Variants in ENOX1 observed in about 807,000 individuals in gnomAD.
The protein encoded by ENOX1 is ecto-NOX disulfide-thiol exchanger 1, also known as candidate growth-related and time keeping constitutive hydroquinone (NADH) oxidase.
In ENOX1, 42 loss-of-function variants were observed where a neutral mutation model predicts 82.5. The observed-to-expected ratio is 0.51, with a 90% CI of 0.40 to 0.66. The LOEUF is 0.66. ENOX1 is among the 30% of genes least tolerant of loss of function. ENOX1 has a pLI of 0.00. For synonymous variants in ENOX1, 271 were observed against 282.2 expected, an observed-to-expected ratio of 0.96 and a Z score of 0.40; for missense variants, 608 against 811.6, an observed-to-expected ratio of 0.75 and a Z score of 3.05.
chr13:43,222,324 C>A (rs1212423462), intron 16 of ENOX1, among the ~76,000 whole-genome samples: 2 of 151,620 alleles, frequency 1.3e-5, no homozygotes, highest in African/African-American at 4.9e-5. Context: ...TCCCCGCCAG[C>A]CAAAACAAAT....
At chr13:43,291,017 A>G (rs1318049849) in intron 12 of ENOX1, among the ~76,000 whole-genome samples, 3 of 152,058 alleles carry the variant, frequency 2.0e-5, no homozygotes, top group Non-Finnish European at 4.4e-5. Flanking sequence ...ACAGAGTGAG[A>G]CTCCATCTCA....
chr13:43,330,998 T>C (rs936746609), intron 9 of ENOX1, among the ~76,000 whole-genome samples: 2 of 152,232 alleles, frequency 1.3e-5, no homozygotes, highest in Admixed American at 6.5e-5. Flanking sequence ...TAGAGAACTT[T>C]ACAGACTATC....
intron 12 of ENOX1, among the ~76,000 whole-genome samples, chr13:43,282,971 C>G (rs1393963704): frequency 1.3e-5 from 2 of 151,890 alleles, no homozygotes; most frequent in African/African-American, 4.8e-5. Context: ...GTAGTCCCAG[C>G]TGCTCGGGAG....
intron 2 of ENOX1, among the ~76,000 whole-genome samples, chr13:43,556,943 G>A (rs1422855920): frequency 6.6e-6 from 1 of 152,220 alleles, no homozygotes; most frequent in Non-Finnish European, 1.5e-5. Context: ...TAAAAGACCT[G>A]AGCTACATAG....
intron 15 of ENOX1, among the ~76,000 whole-genome samples, chr13:43,232,564 G>T (rs534353369): frequency 6.6e-6 from 1 of 152,184 alleles, no homozygotes; most frequent in East Asian, 1.9e-4. Context: ...CCCACATTAG[G>T]AGGAGCCTTC....
intron 11 of ENOX1, among the ~76,000 whole-genome samples, chr13:43,306,221 G>A (rs1391740081): frequency 6.6e-6 from 1 of 152,212 alleles, no homozygotes; most frequent in Non-Finnish European, 1.5e-5. Flanking sequence ...TTTACCAAAA[G>A]ATTCGGCGAT....
intron 2 of ENOX1, among the ~76,000 whole-genome samples, chr13:43,534,772 G>A (rs772611937): frequency 6.6e-6 from 1 of 152,258 alleles, no homozygotes; most frequent in African/African-American, 2.4e-5. Flanking sequence ...ATGGGGCTGG[G>A]GGGTGTTGCC....
In ENOX1 at chr13:43,298,256, A is replaced by T. The variant is rs1409099501; in HGVS notation, c.1446+90T>A. 1.1e-5 allele frequency: 15 copies of T among 1,331,594 alleles called. No individual in the cohort carries two copies. The African/African-American group carries it at 1.9e-4, about 16-fold the overall frequency. The allele number at this position is 1,331,594 out of a possible 1,614,324, so 82.5% of individuals were successfully genotyped here. The stretch of plus-strand genomic sequence containing the variant: ...TTTTGGTTGTCATTTCTTCTCCTTC[A>T]CCCTTTCCAGCACACGGCTGCCTTT... On this transcript the variant is annotated intron_variant, in intron 12 of 16. Transcript: ENST00000690772.
intron 1 of ENOX1, among the ~76,000 whole-genome samples, chr13:43,681,388 A>G (rs299357): frequency 0.98 from 149,242 of 152,134 alleles, 73,244 homozygotes; most frequent in East Asian, 1. Flanking sequence ...CTAAGTCCAC[A>G]CCATTTCCCT....
chr13:43,531,918 C>A (rs1258451187), intron 2 of ENOX1, among the ~76,000 whole-genome samples: 1 of 132,834 alleles, frequency 7.5e-6, no homozygotes, highest in Non-Finnish European at 1.6e-5. Flanking sequence ...ACACTGGGGC[C>A]TGTTGTGGGG....
intron 3 of ENOX1, among the ~76,000 whole-genome samples, chr13:43,413,331 A>T (rs1463586250): frequency 1.3e-5 from 2 of 152,132 alleles, no homozygotes; most frequent in East Asian, 1.9e-4. Flanking sequence ...CACACACTAC[A>T]CATCAATGGA....
intron 1 of ENOX1, among the ~76,000 whole-genome samples, chr13:43,670,910 A>G (rs1172051760): frequency 6.6e-6 from 1 of 152,122 alleles, no homozygotes; most frequent in Non-Finnish European, 1.5e-5. Context: ...GGAAAATATC[A>G]CACAATAATG....
chr13:43,730,501 G>T (rs1566843615), intron 1 of ENOX1, among the ~76,000 whole-genome samples: 3 of 152,070 alleles, frequency 2.0e-5, no homozygotes. Flanking sequence ...CTTCTGTTTT[G>T]CCTGGAGAAA....
At chr13:43,522,632 C>T (rs1282680070) in intron 2 of ENOX1, among the ~76,000 whole-genome samples, 1 of 152,128 alleles carries the variant, frequency 6.6e-6, no homozygotes, top group Non-Finnish European at 1.5e-5. Context: ...GATCCTGGGA[C>T]AGCAGGTGAG....
At chr13:43,779,915 G>C (rs1594777440) in intron 1 of ENOX1, among the ~76,000 whole-genome samples, 1 of 152,116 alleles carries the variant, frequency 6.6e-6, no homozygotes, top group Admixed American at 6.6e-5. Context: ...CCAGCATTTT[G>C]GGAGGCCAAG....
intron 3 of ENOX1, among the ~76,000 whole-genome samples, chr13:43,479,654 T>C (rs1386521102): frequency 6.6e-6 from 1 of 152,196 alleles, no homozygotes; most frequent in Non-Finnish European, 1.5e-5. Flanking sequence ...TCTAGGCAGC[T>C]AAAAAATAAA....
At chr13:43,541,200 C>CTTTTTTTTTTTTTTTTTTTTT (rs1555317963) in intron 2 of ENOX1, among the ~76,000 whole-genome samples, 2 of 14,438 alleles carry the variant, frequency 1.4e-4, no homozygotes, top group African/African-American at 3.8e-4. Flanking sequence ...TTTTTTTTTG[C>CTTTTTTTTTTTTTTTTTTTTT]TAAAAATGAT....
At chr13:43,489,055 G>C (rs1022203471) in intron 2 of ENOX1, among the ~76,000 whole-genome samples, 7 of 151,554 alleles carry the variant, frequency 4.6e-5, no homozygotes, top group Non-Finnish European at 1.0e-4. Flanking sequence ...ATGACCAAGT[G>C]ACTGTTTGGT....
intron 1 of ENOX1, among the ~76,000 whole-genome samples, chr13:43,727,024 G>A (rs1345953635): frequency 6.6e-6 from 1 of 152,176 alleles, no homozygotes; most frequent in East Asian, 1.9e-4. Context: ...TTACAGGCGT[G>A]TGCATGGATT....
Sources: allele counts gnomAD v4.1 joint callset (sites outside exome capture counted in the v4.1 genomes callset), GRCh38; gene constraint gnomAD v4.1.1; transcripts MANE v1.5; gene names NCBI Gene and HGNC (gene_info 2026-07-23, HGNC 2026-07-21).